DRGX: variants seen among roughly 807,000 people sequenced by gnomAD.
DRGX encodes dorsal root ganglia homeobox protein.
In DRGX, 21 loss-of-function variants were observed where a neutral mutation model predicts 28.6. The ratio of observed to expected loss-of-function variants is 0.73; its 90% confidence interval spans 0.52 to 1.06. The LOEUF (loss-of-function observed/expected upper bound fraction) is 1.06, where lower values mean the gene tolerates loss of function less well. Ranked by LOEUF, DRGX falls within the 50% of genes least tolerant of loss-of-function variation. DRGX has a pLI of 0.00. For missense variants in DRGX, 354 were observed against 343.9 expected, an observed-to-expected ratio of 1.03 and a Z score of -0.23; for synonymous variants, 136 against 139.1, an observed-to-expected ratio of 0.98 and a Z score of 0.16.
At chr10:49,384,292 T>G (rs549692788) in intron 6 of DRGX, among the ~76,000 whole-genome samples, 1 of 152,292 alleles carries the variant, frequency 6.6e-6, no homozygotes, top group South Asian at 2.1e-4. Flanking sequence ...CCTGCCTGGC[T>G]CTGGAAACAC....
In DRGX at chr10:49,386,785, T is replaced by TTGGCCCC; in HGVS notation, c.307_308insGGGGCCA (p.Lys103ArgfsTer29). On this transcript the variant is annotated frameshift_variant, in exon 5 of 7. Transcript: ENST00000374139. LOFTEE classifies it high-confidence loss of function. ...AGGTGTCACCTCTGCCATGGGCTCCTTGGCTCCTGGCTCCTGGTCTGAGGC... is the reference window on the plus strand; with the variant it reads ...AGGTGTCACCTCTGCCATGGGCTCCTTGGCCCCTGGCTCCTGGCTCCTGGTCTGAGGC... The TTGGCCCC allele has an allele frequency of 6.2e-7, 1 of 1,610,152 alleles. No individual in the cohort carries two copies. Among genetic ancestry groups the TTGGCCCC allele is most frequent in the Non-Finnish European group, 8.5e-7 (1 of 1,178,226 alleles).
intron 6 of DRGX, among the ~76,000 whole-genome samples, chr10:49,371,049 G>A (rs1480600500): frequency 1.3e-5 from 2 of 152,168 alleles, no homozygotes; most frequent in Non-Finnish European, 1.5e-5. Context: ...AGTGATCTCG[G>A]CACATACACA....
At chr10:49,378,746 C>T (rs2132476292) in intron 6 of DRGX, among the ~76,000 whole-genome samples, 1 of 152,236 alleles carries the variant, frequency 6.6e-6, no homozygotes, top group African/African-American at 2.4e-5. Context: ...TGTGTACCTA[C>T]AATATCATAA....
chr10:49,375,448 T>C (rs1475775044), intron 6 of DRGX, among the ~76,000 whole-genome samples: 1 of 152,208 alleles, frequency 6.6e-6, no homozygotes, highest in Non-Finnish European at 1.5e-5. Flanking sequence ...CTAAGCTTCC[T>C]CAATACCCCA....
At chr10:49,390,307 TCTC>T in intron 3 of DRGX, 73 bp from the exon 4 acceptor site, 1 of 1,328,748 alleles carries the variant, frequency 7.5e-7, no homozygotes. Context: ...ATATTTCAAA[TCTC>T]CTGTGAGTGG....
In DRGX at chr10:49,366,145, C is replaced by G; in HGVS notation, c.763G>C (p.Glu255Gln). The G allele has an allele frequency of 6.2e-7, 1 of 1,607,480 alleles. No individual in the cohort carries two copies. Among genetic ancestry groups the G allele is most frequent in the Non-Finnish European group, 8.5e-7 (1 of 1,176,170 alleles). The change falls in exon 7 of 7, where the codon GAA becomes CAA. Residue 255 changes from glutamate (E) to glutamine (Q), a missense_variant. Physicochemically the swap from Glu to Gln is conservative, Grantham distance 29. Transcript: ENST00000374139. ...ACACTCTTCTCTGCCTCGCTCTGTT[C>G]CTTGGTGGGAGAGGTCTTTTCCTGG... ...GSQEKTSPTK[E>Q]QSEAEKSV
chr10:49,388,145 G>A (rs1368334228), intron 4 of DRGX, among the ~76,000 whole-genome samples: 1 of 152,214 alleles, frequency 6.6e-6, no homozygotes, highest in Non-Finnish European at 1.5e-5. Context: ...TTAAGCCTTA[G>A]AAACCAAAAT....
chr10:49,387,123 C>T (rs776098063), intron 4 of DRGX, among the ~76,000 whole-genome samples: 6 of 152,190 alleles, frequency 3.9e-5, no homozygotes, highest in African/African-American at 1.2e-4. Context: ...AAATCCTTAA[C>T]GTTGAGTCAC....
rs1381985648 is a variant in DRGX at position 49,366,335 on chromosome 10, G to A, written c.573C>T (p.Ser191=). ...SCCVPDPMGL[S]FLPTYGCQSN... ...TCTGGCAGCCATAGGTGGGAAGGAA[G>A]GAGAGTCCCATGGGGTCTGGGACGC... The change falls in exon 7 of 7, where the codon TCC becomes TCT. Residue 191 remains serine (S), a synonymous_variant. Coordinates refer to ENST00000374139, the MANE Select transcript of DRGX (RefSeq NM_001276451.2). The A allele has an allele frequency of 2.0e-5, 32 of 1,613,776 alleles. No individual in the cohort carries two copies. The highest frequency in any genetic ancestry group is 2.5e-5 in the Non-Finnish European group (29 of 1,179,816).
intron 6 of DRGX, among the ~76,000 whole-genome samples, chr10:49,380,421 T>C (rs1396807098): frequency 6.6e-6 from 1 of 152,216 alleles, no homozygotes; most frequent in Admixed American, 6.5e-5. Flanking sequence ...TCTGCATTAA[T>C]GAATTGTGAA....
chr10:49,372,621 A>G (rs1211458660), intron 6 of DRGX, among the ~76,000 whole-genome samples: 1 of 152,248 alleles, frequency 6.6e-6, no homozygotes, highest in African/African-American at 2.4e-5. Flanking sequence ...GTTCAATTCC[A>G]TGACCAGCTG....
intron 6 of DRGX, among the ~76,000 whole-genome samples, chr10:49,377,483 C>T (rs1413652445): frequency 1.3e-5 from 2 of 152,188 alleles, no homozygotes; most frequent in Admixed American, 6.5e-5. Context: ...TGGGCTGGCC[C>T]GGCGATTGGC....
Position 49,386,741 on chromosome 10 carries a change from T to G in DRGX, c.352A>C (p.Asn118His). Residue 118 changes from asparagine to histidine, a missense_variant, in exon 5 of 7, where the codon AAC becomes CAC. Transcript: ENST00000374139. ...EVTPPPVRNI[N>H]SPPPGDQARS... ...GCTTGGTCCCCAGGGGGCGGGGAGTTGATGTTTCTCACTGGAGGAGGTGTC... is the reference window on the plus strand; with the variant it reads ...GCTTGGTCCCCAGGGGGCGGGGAGTGGATGTTTCTCACTGGAGGAGGTGTC... 6.2e-7 allele frequency: 1 copy of G among 1,608,038 alleles called. No homozygotes were observed. Among genetic ancestry groups the G allele is most frequent in the South Asian group, 1.1e-5 (1 of 89,986 alleles).
intron 6 of DRGX, among the ~76,000 whole-genome samples, chr10:49,371,417 C>A (rs1378491602): frequency 6.6e-6 from 1 of 152,084 alleles, no homozygotes; most frequent in Non-Finnish European, 1.5e-5. Context: ...CTTTGGGAGG[C>A]TGAGGTGGGT....
chr10:49,385,198 G>A (rs1200836007), intron 6 of DRGX, among the ~76,000 whole-genome samples: 2 of 152,148 alleles, frequency 1.3e-5, no homozygotes, highest in African/African-American at 4.8e-5. Context: ...CTGGACCCTG[G>A]AGCTGAAGGA....
chr10:49,391,207 C>T lies in DRGX; in HGVS notation c.89G>A (p.Arg30His), dbSNP rs201322873. ...CGTCCGGTTCCGGCGCTGTTTTCTA[C>T]GCAGAAACCCGTCATCAAAATCCCC... Reference protein sequence around the residue: ...SSGDFDDGFLRRKQRRNRTTF... With the variant: ...SSGDFDDGFLHRKQRRNRTTF... The change falls in exon 3 of 7, where the codon CGT becomes CAT. Residue 30 changes from arginine (R) to histidine (H), a missense_variant. Coordinates refer to ENST00000374139, the MANE Select transcript of DRGX (RefSeq NM_001276451.2). The T allele has an allele frequency of 5.0e-6, 8 of 1,612,716 alleles. No homozygotes were observed. The highest frequency in any genetic ancestry group is 2.2e-5 in the South Asian group (2 of 90,642).
intron 6 of DRGX, among the ~76,000 whole-genome samples, chr10:49,382,470 G>A (rs1318118987): frequency 6.6e-6 from 1 of 152,174 alleles, no homozygotes; most frequent in Non-Finnish European, 1.5e-5. Flanking sequence ...GCTACCTCTG[G>A]GGATGCAGGA....
chr10:49,395,519 T>C lies in DRGX; in HGVS notation c.-79A>G, dbSNP rs990600633. Reference sequence around the variant, plus strand: ...CGGACCCGCGCGCGTTGCTCCTGCCTGGCTGCAAAGCAAACAGCGATAGAG... The same window carrying C: ...CGGACCCGCGCGCGTTGCTCCTGCCCGGCTGCAAAGCAAACAGCGATAGAG... On this transcript the variant is annotated splice_region_variant and 5_prime_UTR_variant, in exon 2 of 7. Coordinates refer to ENST00000374139, the MANE Select transcript of DRGX (RefSeq NM_001276451.2). 2.0e-6 allele frequency: 3 copies of C among 1,490,194 alleles called. No individual in the cohort carries two copies. The highest frequency in any genetic ancestry group is 2.4e-5 in the South Asian group (2 of 82,928). The allele number at this position is 1,490,194 out of a possible 1,614,324, so 92.3% of individuals were successfully genotyped here.
At chr10:49,391,812 A>G (rs1564710174) in intron 2 of DRGX, 1 of 517,398 alleles carries the variant, frequency 1.9e-6, no homozygotes, top group Non-Finnish European at 4.0e-6. Context: ...GGAGGTAAGA[A>G]GTTTATAAAT....
Sources: allele counts gnomAD v4.1 joint callset (sites outside exome capture counted in the v4.1 genomes callset), GRCh38; gene constraint gnomAD v4.1.1; transcripts MANE v1.5; gene names NCBI Gene and HGNC (gene_info 2026-07-23, HGNC 2026-07-21).